Variants in ADD3 observed in about 807,000 individuals in gnomAD.
ADD3 encodes the protein gamma-adducin.
A neutral mutation model predicts 80.2 loss-of-function variants in ADD3; 25 were observed. The ratio of observed to expected loss-of-function variants is 0.31; its 90% confidence interval spans 0.23 to 0.44. The LOEUF (loss-of-function observed/expected upper bound fraction) is 0.44. ADD3 is among the 20% of genes least tolerant of loss of function. ADD3 has a pLI of 1.00. For missense variants in ADD3, 829 were observed against 847.5 expected, an observed-to-expected ratio of 0.98 and a Z score of 0.27; for synonymous variants, 284 against 289.6, an observed-to-expected ratio of 0.98 and a Z score of 0.20.
intron 1 of ADD3, among the ~76,000 whole-genome samples, chr10:110,084,039 A>C (rs188147175): frequency 2.0e-5 from 3 of 152,316 alleles, no homozygotes; most frequent in Non-Finnish European, 4.4e-5. Flanking sequence ...ACACTATAGA[A>C]CTAAGCTGTG....
intron 1 of ADD3, among the ~76,000 whole-genome samples, chr10:110,064,750 TTCTTA>T: frequency 6.6e-6 from 1 of 152,384 alleles, no homozygotes; most frequent in East Asian, 1.9e-4. Context: ...TTATTTTCTA[TTCTTA>T]TCTTATATGC....
At chr10:110,076,701 T>C (rs1242390252) in intron 1 of ADD3, among the ~76,000 whole-genome samples, 1 of 152,234 alleles carries the variant, frequency 6.6e-6, no homozygotes, top group Non-Finnish European at 1.5e-5. Flanking sequence ...GAAGTTGGCA[T>C]GGTTGGACTT....
At chr10:110,037,457 T>G (rs1005420016) in intron 1 of ADD3, among the ~76,000 whole-genome samples, 1 of 151,550 alleles carries the variant, frequency 6.6e-6, no homozygotes, top group South Asian at 2.1e-4. Context: ...ATATAAAAAC[T>G]AGCCAGGCGT....
rs780525968 is a variant in ADD3 at position 110,116,303 on chromosome 10, A to G, written c.379A>G (p.Thr127Ala). The change falls in exon 4 of 15, where the codon ACA becomes GCA. Residue 127 changes from threonine (T) to alanine (A), a missense_variant. Thr to Ala is a moderately conservative substitution (Grantham distance 58). Transcript: ENST00000356080. Reference sequence around the variant, plus strand: ...TATCAATGACCTTCCTGGTGCAGATACATCCTCATATGTGAAGGGAGAAAA... The same window carrying G: ...TATCAATGACCTTCCTGGTGCAGATGCATCCTCATATGTGAAGGGAGAAAA... ...TPINDLPGAD[T>A]SSYVKGEKLT... is the part of the protein sequence containing the mutation. 1.9e-6 allele frequency: 3 copies of G among 1,614,024 alleles called. No homozygotes were observed. The highest frequency in any genetic ancestry group is 2.7e-5 in the African/African-American group (2 of 74,906).
At chr10:110,043,407 G>A (rs1856584701) in intron 1 of ADD3, among the ~76,000 whole-genome samples, 1 of 152,056 alleles carries the variant, frequency 6.6e-6, no homozygotes, top group South Asian at 2.1e-4. Flanking sequence ...GCATTTGGAT[G>A]TTTCTAGATA....
At chr10:110,046,453 G>C (rs190457581) in intron 1 of ADD3, among the ~76,000 whole-genome samples, 290 of 151,302 alleles carry the variant, frequency 1.9e-3, no homozygotes, top group African/African-American at 6.4e-3. Flanking sequence ...TCAGAGGCTG[G>C]TGCCCCTAAC....
intron 1 of ADD3, among the ~76,000 whole-genome samples, chr10:110,022,947 TGA>T (rs1179284703): frequency 6.6e-6 from 1 of 152,102 alleles, no homozygotes; most frequent in Non-Finnish European, 1.5e-5. Context: ...ATAGTGAGGT[TGA>T]GAGGACCAGA....
chr10:110,083,248 A>T (rs989449214), intron 1 of ADD3, among the ~76,000 whole-genome samples: 36 of 152,332 alleles, frequency 2.4e-4, no homozygotes, highest in African/African-American at 8.7e-4. Flanking sequence ...AATTCAAAGT[A>T]TGGACAAATA....
chr10:110,073,138 CTTTTTTTTTT>C (rs1189793476), intron 1 of ADD3, among the ~76,000 whole-genome samples: 23 of 94,254 alleles, frequency 2.4e-4, no homozygotes, highest in Middle Eastern at 5.0e-3. Flanking sequence ...TTTTAGTTTT[CTTTTTTTTTT>C]TTTTTTTTTT....
chr10:110,022,197 T>C lies in ADD3; in HGVS notation c.-30+13898T>C, dbSNP rs11194954. ...TCTAGAGAAGCTGAAGAAGCCTCTATGATGATCCTTTCCATGGGTTTCAGA... is the reference window on the plus strand; with the variant it reads ...TCTAGAGAAGCTGAAGAAGCCTCTACGATGATCCTTTCCATGGGTTTCAGA... On this transcript the variant is annotated intron_variant, in intron 1 of 14. Coordinates refer to ENST00000356080, the MANE Select transcript of ADD3 (RefSeq NM_016824.5). Among the ~76,000 whole-genome samples, 708 of 152,288 alleles carry C rather than the reference T, an allele frequency of 4.6e-3. 10 individuals carry two copies. The highest frequency in any genetic ancestry group is 0.016 in the African/African-American group (655 of 41,554).
At chr10:110,085,699 G>A (rs1846640629) in intron 1 of ADD3, among the ~76,000 whole-genome samples, 1 of 152,204 alleles carries the variant, frequency 6.6e-6, no homozygotes, top group Non-Finnish European at 1.5e-5. Flanking sequence ...GGGCCCTAGG[G>A]TTCAGGCATA....
chr10:110,109,030 T>C (rs530622565), intron 2 of ADD3, among the ~76,000 whole-genome samples: 1 of 152,324 alleles, frequency 6.6e-6, no homozygotes, highest in South Asian at 2.1e-4. Context: ...GGTACTCACA[T>C]ATTGTGGGAT....
chr10:110,120,597 A>G (rs894397345), intron 8 of ADD3, among the ~76,000 whole-genome samples: 8 of 152,070 alleles, frequency 5.3e-5, no homozygotes, highest in South Asian at 2.1e-4. Context: ...CCAGTAATGG[A>G]ATGGCTGGGT....
intron 1 of ADD3, among the ~76,000 whole-genome samples, chr10:110,031,066 G>A (rs751489671): frequency 2.6e-4 from 39 of 152,138 alleles, no homozygotes; most frequent in Admixed American, 1.2e-3. Flanking sequence ...ACCTGAGGTC[G>A]GGAGTTCGAG....
intron 1 of ADD3, among the ~76,000 whole-genome samples, chr10:110,068,667 G>T (rs114367542): frequency 4.6e-5 from 7 of 152,180 alleles, no homozygotes; most frequent in African/African-American, 1.2e-4. Context: ...TGAAGTGAAC[G>T]TTTTGAAAGG....
chr10:109,999,458 T>G (rs112283809), intron 1 of ADD3, among the ~76,000 whole-genome samples: 1 of 152,220 alleles, frequency 6.6e-6, no homozygotes, highest in Non-Finnish European at 1.5e-5. Flanking sequence ...CCCTGTTTTC[T>G]CCAGCAGGAA....
rs1848728636 is a variant in ADD3 at position 110,100,796 on chromosome 10, A to G, written c.143A>G (p.Asp48Gly). Residue 48 changes from aspartate (D) to glycine (G), a missense_variant, in exon 2 of 15, where the codon GAC becomes GGC. By Grantham distance (94) the Asp-to-Gly change is moderately conservative. Transcript: ENST00000356080. The part of the protein sequence containing the change: ...ERNMSPDLRQ[D>G]FNMMEQRKRV... ...AACATGTCTCCTGATCTACGACAAG[A>G]CTTCAACATGATGGAGCAGAGGAAA... The G allele has an allele frequency of 1.2e-6, 2 of 1,613,150 alleles. No homozygotes were observed. The highest frequency in any genetic ancestry group is 2.7e-5 in the African/African-American group (2 of 74,854).
intron 1 of ADD3, among the ~76,000 whole-genome samples, chr10:110,044,548 T>C (rs1292186324): frequency 6.6e-6 from 1 of 152,218 alleles, no homozygotes; most frequent in Non-Finnish European, 1.5e-5. Flanking sequence ...AGCTTCAAAA[T>C]GTTAAAAATA....
chr10:110,064,671 T>C (rs1441970206), intron 1 of ADD3, among the ~76,000 whole-genome samples: 1 of 152,212 alleles, frequency 6.6e-6, no homozygotes, highest in Non-Finnish European at 1.5e-5. Flanking sequence ...TTAACATCCA[T>C]TCTTAAAATC....
Sources: allele counts gnomAD v4.1 joint callset (sites outside exome capture counted in the v4.1 genomes callset), GRCh38; gene constraint gnomAD v4.1.1; transcripts MANE v1.5; gene names NCBI Gene and HGNC (gene_info 2026-07-23, HGNC 2026-07-21).